Variants in E2F5 observed in about 807,000 individuals in gnomAD.
The protein encoded by E2F5 is transcription factor E2F5.
E2F5 carries 23 observed loss-of-function variants against 39.1 expected under a neutral mutation model. The ratio of observed to expected loss-of-function variants is 0.59; its 90% CI spans 0.42 to 0.83. The LOEUF (loss-of-function observed/expected upper bound fraction) is 0.83. Ranked by LOEUF, E2F5 falls within the 40% of genes least tolerant of loss-of-function variation. E2F5 has a pLI of 0.00. For missense variants in E2F5, 365 were observed against 406.7 expected (o/e 0.90, Z 0.88); for synonymous variants, 145 against 157.8 (o/e 0.92, Z 0.61).
Position 85,214,318 on chromosome 8 carries a change from A to C in E2F5, c.*456A>C. 1.7e-6 allele frequency: 1 copy of C among 594,310 alleles called. No homozygotes were observed. Among genetic ancestry groups the C allele is most frequent in the Non-Finnish European group, 3.0e-6 (1 of 331,106 alleles). 36.8% of individuals were successfully genotyped at this position (594,310 alleles called of 1,614,324 possible). ...ACTTGTAAAGTGAAGGATGTAAACG[A>C]GGATATATAACTGTTTCAGTGAACA... On this transcript the variant is annotated 3_prime_UTR_variant, in exon 8 of 8. Coordinates refer to ENST00000416274, the MANE Select transcript of E2F5 (RefSeq NM_001951.4).
At chr8:85,208,793 C>T (rs1812852195) in intron 5 of E2F5, among the ~76,000 whole-genome samples, 1 of 152,076 alleles carries the variant, frequency 6.6e-6, no homozygotes, top group South Asian at 2.1e-4. Flanking sequence ...CTGTGGTGGC[C>T]AACTCCAGGG....
chr8:85,180,571 CTTG>C lies in E2F5; in HGVS notation c.234+2920_234+2922del, dbSNP rs1440780312. Among the ~76,000 whole-genome samples the C allele has an allele frequency of 4.3e-4, 23 of 54,024 alleles. 1 individual carries two copies. Among genetic ancestry groups the C allele is most frequent in the Non-Finnish European group, 6.6e-4 (19 of 28,642 alleles). 35.4% of individuals were successfully genotyped at this position (54,024 alleles called of 152,430 possible). A position where few individuals can be genotyped will look rare whatever the true frequency, so the allele number is the denominator to read the frequency against. On this transcript the variant is annotated intron_variant, in intron 1 of 7. Coordinates refer to ENST00000416274, the MANE Select transcript of E2F5 (RefSeq NM_001951.4). ...ATATATATATGGTTTTTTGGTTGGTCTTGTTTTTTTTTTTTTTTTTTTTTGAGA... is the reference window on the plus strand; with the variant it reads ...ATATATATATGGTTTTTTGGTTGGTCTTTTTTTTTTTTTTTTTTTTTGAGA...
Position 85,213,912 on chromosome 8 carries a change from T to G in E2F5, c.*50T>G. The G allele has an allele frequency of 9.3e-7, 1 of 1,074,642 alleles. No individual in the cohort carries two copies. The highest frequency in any genetic ancestry group is 1.4e-6 in the Non-Finnish European group (1 of 707,570). 66.6% of individuals were successfully genotyped at this position (1,074,642 alleles called of 1,614,324 possible). Reference sequence around the variant, plus strand: ...ATCTACCTCTAACTGTGTAACATTTTAGACTTCTTAATAACCTAAATATTT... The same window carrying G: ...ATCTACCTCTAACTGTGTAACATTTGAGACTTCTTAATAACCTAAATATTT... On this transcript the variant is annotated 3_prime_UTR_variant, in exon 8 of 8. Transcript: ENST00000416274.
At chr8:85,209,096 G>GAA (rs1812860544) in intron 5 of E2F5, 46 bp from the exon 6 acceptor site, 2 of 1,573,410 alleles carry the variant, frequency 1.3e-6, no homozygotes, top group Admixed American at 3.5e-5. Flanking sequence ...AAGTTAGCTA[G>GAA]AAATGTTAAT....
intron 1 of E2F5, chr8:85,187,921 C>CT (rs1326048651): frequency 1.3e-5 from 2 of 152,036 alleles, no homozygotes; most frequent in East Asian, 3.9e-4. Context: ...GATTCCTTGC[C>CT]TTTTTATGTA....
intron 1 of E2F5, 65 bp from the exon 2 acceptor site, chr8:85,202,082 C>T: frequency 7.6e-7 from 1 of 1,314,256 alleles, no homozygotes; most frequent in African/African-American, 1.5e-5. Context: ...TAATAATCAA[C>T]CCTTTTTGGC....
chr8:85,177,298 C>T lies in E2F5; in HGVS notation c.-123C>T, dbSNP rs1268543947. On this transcript the variant is annotated 5_prime_UTR_variant, in exon 1 of 8. Transcript: ENST00000416274. ...ACCTGTTGTTTGCAGCAGCCAGCGA[C>T]CCGCACTACCGCTCTCGGCGGGCGG... is the stretch of plus-strand genomic sequence containing the variant. 1.1e-5 allele frequency: 9 copies of T among 833,886 alleles called. No homozygotes were observed. The highest frequency in any genetic ancestry group is 6.0e-4 in the Middle Eastern group (1 of 1,674). 51.7% of individuals were successfully genotyped at this position (833,886 alleles called of 1,614,324 possible). A position where few individuals can be genotyped will look rare whatever the true frequency, so the allele number is the denominator to read the frequency against.
chr8:85,179,344 C>T (rs779193755), intron 1 of E2F5, among the ~76,000 whole-genome samples: 1 of 152,158 alleles, frequency 6.6e-6, no homozygotes, highest in Non-Finnish European at 1.5e-5. Context: ...TGGAACTTTG[C>T]CCTTTCTTGA....
Position 85,177,536 on chromosome 8 carries a change from C to T in E2F5, c.116C>T (p.Pro39Leu), listed in dbSNP as rs569951666. ...QAQAPQPPPP[P>L]QLGGAGGGSS... ...CAAGCCCCGCAGCCGCCCCCGCCGC[C>T]GCAGCTCGGGGGCGCCGGGGGCGGC... is the stretch of plus-strand genomic sequence containing the variant. Residue 39 changes from proline (P) to leucine (L), a missense_variant, in exon 1 of 8, where the codon CCG (proline) becomes CTG (leucine). By Grantham distance (98) the Pro-to-Leu change is moderately conservative. Transcript: ENST00000416274. 5.9e-6 allele frequency: 7 copies of T among 1,195,360 alleles called. No homozygotes were observed. The highest frequency in any genetic ancestry group is 3.5e-5 in the East Asian group (1 of 28,560). 74.0% of individuals were successfully genotyped at this position (1,195,360 alleles called of 1,614,324 possible). A position where few individuals can be genotyped will look rare whatever the true frequency, so the allele number is the denominator to read the frequency against.
intron 1 of E2F5, 48 bp from the exon 2 acceptor site, chr8:85,202,099 A>C: frequency 6.7e-7 from 1 of 1,502,418 alleles, no homozygotes. Flanking sequence ...TGGCTTTAAA[A>C]TATGACTTGC....
Position 85,213,764 on chromosome 8 carries a change from T to C in E2F5, c.943T>C (p.Leu315=). The change falls in exon 8 of 8, where the codon TTA becomes CTA. Residue 315 remains leucine, a synonymous_variant. Transcript: ENST00000416274. ...TTTTTTGTTCGCAGTGTTTCCTCTC[T>C]TAAGGCTTTCTCCTACCCCGGCAGA... ...ELMSSDVFPL[L]RLSPTPADDY... 6.2e-7 allele frequency: 1 copy of C among 1,610,838 alleles called. No homozygotes were observed.
intron 7 of E2F5, 135 bp downstream of exon 7, chr8:85,212,339 T>TAACA (rs1812951036): frequency 1.5e-6 from 1 of 658,330 alleles, no homozygotes; most frequent in East Asian, 2.9e-5. Flanking sequence ...AATTCTCCCT[T>TAACA]AACACTTACA....
intron 1 of E2F5, among the ~76,000 whole-genome samples, chr8:85,190,774 G>GA (rs760661876): frequency 6.6e-6 from 1 of 152,038 alleles, no homozygotes; most frequent in Non-Finnish European, 1.5e-5. Flanking sequence ...AAAATGCTGG[G>GA]ATTACAGGCA....
At chr8:85,202,056 G>A (rs2129720118) in intron 1 of E2F5, 91 bp from the exon 2 acceptor site, 1 of 1,031,712 alleles carries the variant, frequency 9.7e-7, no homozygotes, top group East Asian at 2.6e-5. Flanking sequence ...ATTTGAGATT[G>A]GACTTGTTGT....
chr8:85,190,964 T>C (rs893653298), intron 1 of E2F5, among the ~76,000 whole-genome samples: 6 of 152,170 alleles, frequency 3.9e-5, no homozygotes, highest in Non-Finnish European at 8.8e-5. Context: ...AGAAGTGTGA[T>C]AGCCTCTAGA....
rs1812935363 is a variant in E2F5, at chr8:85,212,017, G to A, written c.884-140G>A. ...TGCCAGGCACAGAGTAAGCGCTCATGAAAACAACCTGTCCACAAAGTACTA... is the reference window on the plus strand; with the variant it reads ...TGCCAGGCACAGAGTAAGCGCTCATAAAAACAACCTGTCCACAAAGTACTA... On this transcript the variant is annotated intron_variant, in intron 6 of 7. Transcript: ENST00000416274. 24 of 611,050 alleles carry A rather than the reference G, an allele frequency of 3.9e-5. No homozygotes were observed. In the South Asian group the frequency reaches 4.6e-4, roughly 12 times the overall value. The allele number at this position is 611,050 out of a possible 1,614,324, so 37.9% of individuals were successfully genotyped here. A position where few individuals can be genotyped will look rare whatever the true frequency, so the allele number is the denominator to read the frequency against.
At chr8:85,191,082 T>A (rs1451639846) in intron 1 of E2F5, among the ~76,000 whole-genome samples, 2 of 152,116 alleles carry the variant, frequency 1.3e-5, no homozygotes, top group Non-Finnish European at 2.9e-5. Context: ...ACTTCTGATC[T>A]ATAGAACTAT....
At chr8:85,199,157 C>G (rs927378008) in intron 1 of E2F5, among the ~76,000 whole-genome samples, 6 of 152,032 alleles carry the variant, frequency 3.9e-5, no homozygotes, top group African/African-American at 1.4e-4. Flanking sequence ...TCTTTATCTC[C>G]TTTTTCCATT....
intron 1 of E2F5, among the ~76,000 whole-genome samples, chr8:85,190,018 G>A (rs906976536): frequency 1.4e-4 from 22 of 152,078 alleles, no homozygotes; most frequent in Admixed American, 2.6e-4. Context: ...TACAATTTAA[G>A]AATTTAAGGT....
Sources: gnomAD v4.1 joint callset for allele counts (sites outside exome capture counted in the v4.1 genomes callset) on GRCh38, gnomAD v4.1.1 for gene constraint, MANE v1.5 for transcripts, NCBI Gene and HGNC (gene_info 2026-07-23, HGNC 2026-07-21) for gene names.